USP6NL: variants seen among roughly 807,000 people sequenced by gnomAD.
USP6NL encodes the protein USP6 N-terminal like.
USP6NL carries 26 observed loss-of-function variants against 61.9 expected under a neutral mutation model. That is an observed-to-expected ratio of 0.42 (90% confidence interval 0.31 to 0.58). The LOEUF is 0.58. Among genes scored for constraint, USP6NL ranks in the 20% least tolerant of loss-of-function variants. USP6NL has a pLI of 0.16. For missense variants in USP6NL, 1,114 were observed against 1,034.3 expected, an observed-to-expected ratio of 1.08 and a Z score of -1.06; for synonymous variants, 432 against 390.1, an observed-to-expected ratio of 1.11 and a Z score of -1.27.
intron 2 of USP6NL, among the ~76,000 whole-genome samples, chr10:11,572,368 T>A (rs2133575534): frequency 6.6e-6 from 1 of 152,146 alleles, no homozygotes; most frequent in African/African-American, 2.4e-5. Context: ...AGGAGATAAA[T>A]AACTGTAAAG....
rs146700231 is a variant in USP6NL, at chr10:11,518,979, A to G, written c.156-405T>C. Among the ~76,000 whole-genome samples the G allele has an allele frequency of 6.6e-6, 1 of 152,382 alleles. No homozygotes were observed. The highest frequency in any genetic ancestry group is 1.9e-4 in the East Asian group (1 of 5,192). ...AAGGTCCACTGGACAGCACTGCTCC[A>G]GACTAGGAGTGAGCAAACTTCTTCT... On this transcript the variant is annotated intron_variant, in intron 4 of 14. Transcript: ENST00000609104. The surrounding 1 kb of genome is among the most constrained non-coding windows in gnomAD (Gnocchi z 5.3).
chr10:11,523,988 TA>T (rs553794301), intron 4 of USP6NL, among the ~76,000 whole-genome samples: 40 of 152,322 alleles, frequency 2.6e-4, no homozygotes, highest in African/African-American at 8.4e-4. Context: ...TTGTCCTTCA[TA>T]CCCCAGATCT....
chr10:11,498,974 T>A (rs2133298457), intron 7 of USP6NL, among the ~76,000 whole-genome samples: 1 of 152,340 alleles, frequency 6.6e-6, no homozygotes, highest in East Asian at 1.9e-4. Flanking sequence ...TACCTATTCA[T>A]CTTCATACGT....
intron 2 of USP6NL, among the ~76,000 whole-genome samples, chr10:11,534,794 G>A (rs1400909201): frequency 6.6e-6 from 1 of 152,158 alleles, no homozygotes; most frequent in Non-Finnish European, 1.5e-5. Context: ...TGAAGTAAAT[G>A]CTATTGACAT....
intron 2 of USP6NL, among the ~76,000 whole-genome samples, chr10:11,586,394 C>CT (rs1424539678): frequency 7.1e-6 from 1 of 139,880 alleles, no homozygotes; most frequent in African/African-American, 2.6e-5. Context: ...TCTTAAATGA[C>CT]CAAAAAAAAA....
At position 11,547,592 on chromosome 10, in the gene USP6NL, T is replaced by C. The variant is rs1206454350; in HGVS notation, c.5-20025A>G. 2.7e-5 allele frequency among the ~76,000 whole-genome samples: 4 copies of C among 150,694 alleles called. No individual in the cohort carries two copies. The Admixed American group carries it at 2.7e-4, about 10-fold the overall frequency. The stretch of plus-strand genomic sequence containing the variant: ...TCTCACTCTGTCGCCCACGCTGAAG[T>C]GCAGTGGCACGATCTCAGCTCACTG... On this transcript the variant is annotated intron_variant, in intron 2 of 14. Coordinates refer to ENST00000609104, the MANE Select transcript of USP6NL (RefSeq NM_014688.5).
intron 6 of USP6NL, among the ~76,000 whole-genome samples, chr10:11,504,556 T>C (rs759141541): frequency 2.0e-5 from 3 of 152,204 alleles, no homozygotes; most frequent in South Asian, 2.1e-4. Flanking sequence ...CTTCTAAAAA[T>C]TACCGCTTTA....
Position 11,597,603 on chromosome 10 carries a change from C to G in USP6NL, c.4+28G>C, listed in dbSNP as rs1389144214. ...AATACAGCAAACGCTCCTGAGATGG[C>G]TGGAAGGAAAGGAAGCAGCGCACTT... On this transcript the variant is annotated intron_variant, in intron 2 of 14. Transcript: ENST00000609104. The surrounding 1 kb of genome is among the most constrained non-coding windows in gnomAD (Gnocchi z 4.6). 5.2e-6 allele frequency: 8 copies of G among 1,551,012 alleles called. No individual in the cohort carries two copies. In the East Asian group the frequency reaches 2.0e-4, roughly 38 times the overall value.
At chr10:11,543,178 T>C (rs1836134761) in intron 2 of USP6NL, among the ~76,000 whole-genome samples, 1 of 152,188 alleles carries the variant, frequency 6.6e-6, no homozygotes, top group Non-Finnish European at 1.5e-5. Context: ...ATGCAAATTT[T>C]ACTCAAAAAG....
Position 11,463,294 on chromosome 10 carries a change from C to T in USP6NL, c.1634G>A (p.Gly545Asp). The T allele has an allele frequency of 5.0e-6, 8 of 1,613,848 alleles. No homozygotes were observed. Among genetic ancestry groups the T allele is most frequent in the East Asian group, 2.2e-5 (1 of 44,874 alleles). Residue 545 changes from glycine to aspartate, a missense_variant, in exon 15 of 15, where the codon GGC becomes GAC. Coordinates refer to ENST00000609104, the MANE Select transcript of USP6NL (RefSeq NM_014688.5). This position sits in a 1 kb window ranked among gnomAD's most constrained non-coding sequence, Gnocchi z 6.3. ...KALDAEDGKRGSTASQYDNVP... is the reference protein window; with the variant it reads ...KALDAEDGKRDSTASQYDNVP... Reference sequence around the variant, plus strand: ...GTTGTCGTACTGCGATGCAGTGGAGCCCCGCTTCCCGTCCTCAGCATCCAG... The same window carrying T: ...GTTGTCGTACTGCGATGCAGTGGAGTCCCGCTTCCCGTCCTCAGCATCCAG...
At chr10:11,583,811 T>G (rs1283668689) in intron 2 of USP6NL, among the ~76,000 whole-genome samples, 1 of 152,106 alleles carries the variant, frequency 6.6e-6, no homozygotes, top group Non-Finnish European at 1.5e-5. Context: ...ACAGATCACC[T>G]GAGGTCAGGA....
intron 2 of USP6NL, among the ~76,000 whole-genome samples, chr10:11,594,769 A>G (rs1838270290): frequency 6.6e-6 from 1 of 152,244 alleles, no homozygotes; most frequent in South Asian, 2.1e-4. Context: ...CATACTAAGG[A>G]CATTACTTAC....
chr10:11,581,649 A>G (rs1837778011), intron 2 of USP6NL, among the ~76,000 whole-genome samples: 1 of 152,262 alleles, frequency 6.6e-6, no homozygotes, highest in Admixed American at 6.5e-5. Flanking sequence ...CTGAAAATAT[A>G]AAGAGACTGT....
chr10:11,601,624 T>C (rs1208829031), intron 1 of USP6NL, among the ~76,000 whole-genome samples: 1 of 152,240 alleles, frequency 6.6e-6, no homozygotes, highest in African/African-American at 2.4e-5. Flanking sequence ...CATTAATATA[T>C]GTAACCACAT....
intron 7 of USP6NL, among the ~76,000 whole-genome samples, chr10:11,494,999 G>A (rs957256129): frequency 6.6e-6 from 1 of 152,148 alleles, no homozygotes. Context: ...CCCGGGGAAA[G>A]GGAGACTCCC....
At chr10:11,517,672 A>C (rs1390564838) in intron 5 of USP6NL, among the ~76,000 whole-genome samples, 1 of 152,226 alleles carries the variant, frequency 6.6e-6, no homozygotes, top group Non-Finnish European at 1.5e-5. Context: ...ATATACATAA[A>C]ATGGCAATTT....
chr10:11,600,841 G>A lies in USP6NL; in HGVS notation c.-83-3124C>T, dbSNP rs567310064. ...AAATTAGCTGGGCGTGGTGGCAGCC[G>A]CCTGTAATGCCAGCTACTGGAGAGG... On this transcript the variant is annotated intron_variant, in intron 1 of 14. Transcript: ENST00000609104. This position sits in a 1 kb window ranked among gnomAD's most constrained non-coding sequence, Gnocchi z 4.1. Among the ~76,000 whole-genome samples the A allele has an allele frequency of 7.9e-5, 12 of 152,134 alleles. No homozygotes were observed. The highest frequency in any genetic ancestry group is 4.1e-4 in the South Asian group (2 of 4,824).
chr10:11,546,307 A>C (rs1306306464), intron 2 of USP6NL, among the ~76,000 whole-genome samples: 1 of 152,242 alleles, frequency 6.6e-6, no homozygotes, highest in Non-Finnish European at 1.5e-5. Context: ...TTAATGACTT[A>C]ATTAGAAAAG....
In USP6NL at chr10:11,462,770, C is replaced by T. The variant is rs1359675734; in HGVS notation, c.2158G>A (p.Gly720Arg). Residue 720 changes from glycine to arginine, a missense_variant, in exon 15 of 15, where the codon GGA becomes AGA. Transcript: ENST00000609104. ...YSGNSGSPKNGKLIIPPVDYL... is the reference protein window; with the variant it reads ...YSGNSGSPKNRKLIIPPVDYL... ...TCCACTGGTGGAATGATCAATTTTC[C>T]ATTCTTTGGTGACCCTGAATTGCCC... is the stretch of plus-strand genomic sequence containing the variant. 6.2e-7 allele frequency: 1 copy of T among 1,613,978 alleles called. No homozygotes were observed. Among genetic ancestry groups the T allele is most frequent in the Admixed American group, 1.7e-5 (1 of 60,026 alleles).
Sources: gnomAD v4.1 joint callset for allele counts (sites outside exome capture counted in the v4.1 genomes callset) on GRCh38, gnomAD v4.1.1 for gene constraint, Gnocchi (gnomAD v3.1) non-coding constraint, MANE v1.5 for transcripts, NCBI Gene and HGNC (gene_info 2026-07-23, HGNC 2026-07-21) for gene names.